Variants in SDK1 observed in about 807,000 individuals in gnomAD.
SDK1 encodes protein sidekick-1.
In SDK1, 157 loss-of-function variants were observed where a neutral mutation model predicts 245.5. The ratio of observed to expected loss-of-function variants is 0.64; its 90% confidence interval spans 0.56 to 0.73. The LOEUF (loss-of-function observed/expected upper bound fraction) is 0.73. Among genes scored for constraint, SDK1 ranks in the 30% least tolerant of loss-of-function variants. The pLI, the probability that SDK1 is intolerant of heterozygous loss-of-function variation, is 0.00. For missense variants in SDK1, 3,583 were observed against 3,002.3 expected (o/e 1.19, Z -4.52); for synonymous variants, 1,647 against 1,278.5 (o/e 1.29, Z -6.15).
intron 44 of SDK1, among the ~76,000 whole-genome samples, chr7:4,261,592 C>G (rs1342349953): frequency 2.0e-5 from 3 of 152,194 alleles, no homozygotes; most frequent in Non-Finnish European, 4.4e-5. Flanking sequence ...CTCAGAGAGC[C>G]TGTAAAAGAA....
At chr7:3,357,875 A>G (rs532967404) in intron 1 of SDK1, among the ~76,000 whole-genome samples, 7 of 152,264 alleles carry the variant, frequency 4.6e-5, no homozygotes, top group Admixed American at 1.3e-4. Context: ...GCTCTTAGTT[A>G]TGTGTGGTAG....
At chr7:4,074,205 C>A (rs1780470479) in intron 20 of SDK1, among the ~76,000 whole-genome samples, 2 of 152,026 alleles carry the variant, frequency 1.3e-5, no homozygotes, top group East Asian at 3.9e-4. Context: ...TTAGACTAAA[C>A]TTCTTTGGTT....
chr7:3,394,556 A>G (rs868363987), intron 1 of SDK1, among the ~76,000 whole-genome samples: 2 of 152,082 alleles, frequency 1.3e-5, no homozygotes, highest in Non-Finnish European at 2.9e-5. Context: ...TTCTGTGGGA[A>G]TAAGCCTCCT....
chr7:3,903,509 A>T (rs1781863547), intron 5 of SDK1, among the ~76,000 whole-genome samples: 1 of 152,094 alleles, frequency 6.6e-6, no homozygotes, highest in African/African-American at 2.4e-5. Context: ...TTTAACCCTT[A>T]TACATTGTTT....
intron 35 of SDK1, among the ~76,000 whole-genome samples, chr7:4,204,963 T>TGAGGTGAG (rs1562429703): frequency 1.2e-5 from 1 of 83,886 alleles, no homozygotes; most frequent in South Asian, 3.8e-4. Flanking sequence ...GGCTGTGTGG[T>TGAGGTGAG]GAGGTGCGGA....
chr7:4,114,894 G>A (rs893274764), intron 25 of SDK1, among the ~76,000 whole-genome samples: 3 of 152,292 alleles, frequency 2.0e-5, no homozygotes, highest in East Asian at 1.9e-4. Context: ...GGAGTGGAAC[G>A]TCACTCTGTT....
At chr7:3,434,098 A>G (rs1779948084) in intron 1 of SDK1, among the ~76,000 whole-genome samples, 1 of 152,130 alleles carries the variant, frequency 6.6e-6, no homozygotes, top group South Asian at 2.1e-4. Context: ...ATCTATCCAT[A>G]TGGGCTCATC....
intron 1 of SDK1, among the ~76,000 whole-genome samples, chr7:3,472,030 C>G (rs557114547): frequency 2.5e-4 from 38 of 152,162 alleles, no homozygotes; most frequent in African/African-American, 9.2e-4. Flanking sequence ...CGGTATGACC[C>G]TCTTGTGTTT....
chr7:3,798,250 C>A (rs987098064), intron 4 of SDK1, among the ~76,000 whole-genome samples: 1 of 104,386 alleles, frequency 9.6e-6, no homozygotes, highest in South Asian at 3.3e-4. Flanking sequence ...CAGATTCTGT[C>A]TCTTTTGCCC....
chr7:4,200,303 G>C (rs1381862569), intron 35 of SDK1, among the ~76,000 whole-genome samples: 1 of 152,254 alleles, frequency 6.6e-6, no homozygotes, highest in African/African-American at 2.4e-5. Flanking sequence ...AATGTGCAGA[G>C]GCTTGGCTGA....
chr7:3,738,639 G>A (rs901602547), intron 4 of SDK1, among the ~76,000 whole-genome samples: 3 of 152,106 alleles, frequency 2.0e-5, no homozygotes, highest in East Asian at 1.9e-4. Context: ...TATTGACATC[G>A]TAATAATAAG....
chr7:3,834,255 G>A (rs180735956), intron 5 of SDK1, among the ~76,000 whole-genome samples: 15 of 152,346 alleles, frequency 9.8e-5, no homozygotes, highest in African/African-American at 3.6e-4. Context: ...AAAACGCTGA[G>A]CGTCTGATAC....
intron 1 of SDK1, among the ~76,000 whole-genome samples, chr7:3,429,570 A>G (rs1367747439): frequency 6.7e-6 from 1 of 149,692 alleles, no homozygotes; most frequent in East Asian, 1.9e-4. Flanking sequence ...TGAAAATGTA[A>G]TTTGATACCC....
At chr7:3,788,445 A>G (rs1780975532) in intron 4 of SDK1, among the ~76,000 whole-genome samples, 1 of 152,114 alleles carries the variant, frequency 6.6e-6, no homozygotes, top group African/African-American at 2.4e-5. Context: ...TCTGTCTGTG[A>G]TATCTACCAC....
intron 17 of SDK1, among the ~76,000 whole-genome samples, chr7:4,028,260 A>T (rs1787514818): frequency 6.6e-6 from 1 of 152,170 alleles, no homozygotes; most frequent in Non-Finnish European, 1.5e-5. Context: ...TTCTTTAGGC[A>T]TTGATAGGTA....
chr7:3,644,892 C>G (rs892812748), intron 4 of SDK1, among the ~76,000 whole-genome samples: 2 of 149,186 alleles, frequency 1.3e-5, no homozygotes, highest in Non-Finnish European at 3.0e-5. Context: ...TATGACCAGG[C>G]AAACTTAGGA....
At chr7:3,349,997 G>C (rs963551458) in intron 1 of SDK1, among the ~76,000 whole-genome samples, 1 of 152,210 alleles carries the variant, frequency 6.6e-6, no homozygotes, top group African/African-American at 2.4e-5. Context: ...GTAGCAGGTA[G>C]AGGATGAAGT....
intron 4 of SDK1, among the ~76,000 whole-genome samples, chr7:3,778,391 A>C (rs551054888): frequency 4.6e-5 from 7 of 152,226 alleles, no homozygotes; most frequent in Non-Finnish European, 8.8e-5. Context: ...TTGGCTTTGA[A>C]CAAAAAGCCT....
intron 1 of SDK1, among the ~76,000 whole-genome samples, chr7:3,307,640 C>G (rs756263870): frequency 2.0e-5 from 3 of 152,154 alleles, no homozygotes; most frequent in Admixed American, 2.0e-4. Flanking sequence ...CAGCCTGATA[C>G]CAATCTCCTG....
Sources: gnomAD v4.1 joint callset for allele counts (sites outside exome capture counted in the v4.1 genomes callset) on GRCh38, gnomAD v4.1.1 for gene constraint, MANE v1.5 for transcripts, NCBI Gene and HGNC (gene_info 2026-07-23, HGNC 2026-07-21) for gene names.